The following SPECC1 variants were observed in gnomAD, a reference collection of about 807,000 sequenced individuals.
SPECC1 encodes the protein cytospin-B.
A neutral mutation model predicts 104.1 loss-of-function variants in SPECC1; 62 were observed. The ratio of observed to expected loss-of-function variants is 0.60; its 90% confidence interval spans 0.49 to 0.74. The LOEUF (loss-of-function observed/expected upper bound fraction) is 0.74, where lower values mean the gene tolerates loss of function less well. Ranked by LOEUF, SPECC1 falls within the 30% of genes least tolerant of loss-of-function variation. The pLI is 0.00. For missense variants in SPECC1, 1,306 were observed against 1,310.5 expected (o/e 1.00, Z 0.05); for synonymous variants, 513 against 501.6 (o/e 1.02, Z -0.30).
At chr17:20,257,388 A>G (rs1567586372) in intron 10 of SPECC1, 63 bp from the exon 11 acceptor site, 1 of 1,497,428 alleles carries the variant, frequency 6.7e-7, no homozygotes, top group East Asian at 2.3e-5. Context: ...TTTGAGAATG[A>G]AGTATGATGG....
intron 3 of SPECC1, among the ~76,000 whole-genome samples, chr17:20,121,063 A>C (rs771503837): frequency 6.6e-6 from 1 of 152,168 alleles, no homozygotes; most frequent in African/African-American, 2.4e-5. Flanking sequence ...GTTTGCTCCA[A>C]CAATAGCAAG....
In SPECC1 at chr17:20,314,046, A is replaced by T. The variant is rs776465633; in HGVS notation, c.3188A>T (p.Tyr1063Phe). 9.3e-6 allele frequency: 15 copies of T among 1,614,000 alleles called. No homozygotes were observed. Among genetic ancestry groups the T allele is most frequent in the Middle Eastern group, 1.6e-4 (1 of 6,084 alleles). ...GTGATGCAGTACGTGGCCCAAATCT[A>T]CAAGTACTTTGAGACGTAACCCTGG... ...QSVMQYVAQI[Y>F]KYFET Residue 1063 changes from tyrosine (Y) to phenylalanine (F), a missense_variant, in exon 15 of 15, where the codon TAC (tyrosine) becomes TTC (phenylalanine). Tyr to Phe is a conservative substitution (Grantham distance 22). Around this residue, in one of 2 missense-constraint regions of SPECC1, gnomAD observed 129 missense variants for 170.6 expected, o/e 0.76. Transcript: ENST00000395527.
intron 3 of SPECC1, among the ~76,000 whole-genome samples, chr17:20,122,818 G>A (rs1437811283): frequency 6.6e-6 from 1 of 152,060 alleles, no homozygotes; most frequent in Non-Finnish European, 1.5e-5. Flanking sequence ...AATTTCCTTC[G>A]TTTTTGAGGC....
intron 4 of SPECC1, among the ~76,000 whole-genome samples, chr17:20,220,675 C>T (rs1430332133): frequency 1.4e-5 from 2 of 147,274 alleles, no homozygotes; most frequent in Admixed American, 1.4e-4. Flanking sequence ...TTATTTCTTT[C>T]CCTTGTCTGA....
At chr17:20,144,346 A>G (rs1007370175) in intron 3 of SPECC1, among the ~76,000 whole-genome samples, 1 of 151,272 alleles carries the variant, frequency 6.6e-6, no homozygotes, top group Non-Finnish European at 1.5e-5. Context: ...GCATACCATC[A>G]TGCTCGGCTA....
At chr17:20,109,844 G>A (rs2048395489) in intron 2 of SPECC1, among the ~76,000 whole-genome samples, 1 of 151,924 alleles carries the variant, frequency 6.6e-6, no homozygotes, top group Non-Finnish European at 1.5e-5. Flanking sequence ...CACCAGGAGA[G>A]CAGATTTATT....
chr17:20,311,172 A>G (rs561907092), intron 14 of SPECC1, among the ~76,000 whole-genome samples: 16 of 149,402 alleles, frequency 1.1e-4, no homozygotes, highest in Admixed American at 2.7e-4. Context: ...CAGTTGTTCA[A>G]TTGGTACATA....
intron 5 of SPECC1, among the ~76,000 whole-genome samples, chr17:20,230,872 A>G (rs1486897412): frequency 6.6e-6 from 1 of 152,212 alleles, no homozygotes; most frequent in Admixed American, 6.5e-5. Context: ...TCTACTGTGC[A>G]GCATTGATTC....
At chr17:20,240,710 T>TG (rs1191251600) in intron 7 of SPECC1, among the ~76,000 whole-genome samples, 1 of 152,266 alleles carries the variant, frequency 6.6e-6, no homozygotes, top group African/African-American at 2.4e-5. Context: ...CAGAGAGACC[T>TG]GCCCTAGATG....
intron 12 of SPECC1, among the ~76,000 whole-genome samples, chr17:20,272,268 A>G (rs1300652391): frequency 1.3e-5 from 2 of 151,276 alleles, no homozygotes; most frequent in Non-Finnish European, 2.9e-5. Context: ...ATCTCTTTGC[A>G]TTACAGTTTT....
chr17:20,308,770 C>G (rs769054457), intron 14 of SPECC1, among the ~76,000 whole-genome samples: 2 of 152,170 alleles, frequency 1.3e-5, no homozygotes, highest in African/African-American at 2.4e-5. Context: ...AGGAAACTTA[C>G]ACATCTGACC....
chr17:20,096,885 CCT>C, intron 2 of SPECC1, 87 bp downstream of exon 2: 1 of 1,493,196 alleles, frequency 6.7e-7, no homozygotes, highest in Non-Finnish European at 9.1e-7. Flanking sequence ...AAACCAGTGG[CCT>C]CTCGGGGCAG....
intron 3 of SPECC1, among the ~76,000 whole-genome samples, chr17:20,162,449 G>T (rs1409566133): frequency 6.6e-6 from 1 of 152,234 alleles, no homozygotes; most frequent in South Asian, 2.1e-4. Flanking sequence ...CCCGGCCCAG[G>T]CAAATAATTT....
intron 11 of SPECC1, among the ~76,000 whole-genome samples, chr17:20,258,388 C>T (rs979160657): frequency 1.4e-4 from 22 of 152,324 alleles, no homozygotes; most frequent in South Asian, 1.2e-3. Flanking sequence ...TCACCTCCTC[C>T]CTTTCCAGTG....
At chr17:20,088,312 G>A (rs1359264783) in intron 1 of SPECC1, among the ~76,000 whole-genome samples, 2 of 152,190 alleles carry the variant, frequency 1.3e-5, no homozygotes, top group African/African-American at 2.4e-5. Context: ...TAAGTGGACA[G>A]TTCATGATTT....
chr17:20,296,520 A>G (rs1353828722), intron 12 of SPECC1, among the ~76,000 whole-genome samples: 2 of 152,142 alleles, frequency 1.3e-5, no homozygotes, highest in African/African-American at 4.8e-5. Context: ...TTTTGGTTCC[A>G]TATGAACTTT....
intron 3 of SPECC1, among the ~76,000 whole-genome samples, chr17:20,138,462 GGCAAT>G (rs1567870924): frequency 2.6e-5 from 4 of 152,026 alleles, no homozygotes; most frequent in Admixed American, 2.6e-4. Flanking sequence ...GCCACGTATC[GGCAAT>G]TGTAATATCA....
intron 1 of SPECC1, among the ~76,000 whole-genome samples, chr17:20,055,836 G>A (rs943349786): frequency 3.9e-5 from 6 of 152,128 alleles, no homozygotes; most frequent in South Asian, 4.1e-4. Flanking sequence ...GGCCCCCTCC[G>A]TTCTGACTGT....
intron 14 of SPECC1, among the ~76,000 whole-genome samples, chr17:20,313,151 C>T (rs2041975279): frequency 6.6e-6 from 1 of 152,120 alleles, no homozygotes; most frequent in African/African-American, 2.4e-5. Flanking sequence ...TATGCATGCT[C>T]ATTACAAGCT....
Sources: allele counts gnomAD v4.1 joint callset (sites outside exome capture counted in the v4.1 genomes callset), GRCh38; gene constraint gnomAD v4.1.1; regional missense constraint gnomAD v4.1.1; transcripts MANE v1.5; gene names NCBI Gene and HGNC (gene_info 2026-07-23, HGNC 2026-07-21).